DNAH17: variants seen among roughly 807,000 people sequenced by gnomAD.
DNAH17 encodes axonemal beta dynein heavy chain 17.
In DNAH17, 376 loss-of-function variants were observed where a neutral mutation model predicts 485.6. The observed-to-expected ratio is 0.77, with a 90% confidence interval of 0.71 to 0.84. The LOEUF (loss-of-function observed/expected upper bound fraction) is 0.84. Ranked by LOEUF, DNAH17 falls within the 40% of genes least tolerant of loss-of-function variation. DNAH17 has a pLI of 0.00. For missense variants in DNAH17, 6,370 were observed against 5,839.3 expected (o/e 1.09, Z -2.96); for synonymous variants, 3,031 against 2,405.9 (o/e 1.26, Z -7.60).
chr17:78,479,767 C>A (rs1598536595), intron 49 of DNAH17, 135 bp from the exon 50 acceptor site: 2 of 1,219,828 alleles, frequency 1.6e-6, no homozygotes, highest in Non-Finnish European at 2.3e-6. Flanking sequence ...TGGGCAGTTA[C>A]CCTCCTTGTG....
chr17:78,495,881 A>G lies in DNAH17; in HGVS notation c.5897T>C (p.Leu1966Ser). 1.2e-6 allele frequency: 2 copies of G among 1,612,806 alleles called. No homozygotes were observed. The highest frequency in any genetic ancestry group is 1.7e-6 in the Non-Finnish European group (2 of 1,179,274). The change falls in exon 38 of 81, where the codon TTA (leucine) becomes TCA (serine). Residue 1966 changes from leucine (L) to serine (S), a missense_variant. Physicochemically the swap from Leu to Ser is moderately radical, Grantham distance 145 (BLOSUM62 -2). Transcript: ENST00000389840. ...TTTCACCTGGGCCACGTACCTGAAT[A>G]AGGCTTTTAGGTTCTCAGGCAGCTC... Reference protein sequence around the residue: ...RAELPENLKALFRPCAMVVPD... With the variant: ...RAELPENLKASFRPCAMVVPD...
chr17:78,569,364 G>A lies in DNAH17; in HGVS notation c.1197+11C>T. ...TCCTGCCTTGGCCCTCGCCCTGCGA[G>A]GAAGGGGTACCTTAAAGAAAAGCTT... is the stretch of plus-strand genomic sequence containing the variant. On this transcript the variant is annotated intron_variant, in intron 8 of 80. Coordinates refer to ENST00000389840, the MANE Select transcript of DNAH17 (RefSeq NM_173628.4). 1 of 1,612,572 alleles carries A rather than the reference G, an allele frequency of 6.2e-7. No homozygotes were observed. Among genetic ancestry groups the A allele is most frequent in the Non-Finnish European group, 8.5e-7 (1 of 1,179,234 alleles).
At chr17:78,425,167 A>AC in intron 80 of DNAH17, 179 bp downstream of exon 80, 1 of 619,710 alleles carries the variant, frequency 1.6e-6, no homozygotes, top group East Asian at 2.8e-5. Context: ...AATCCTCTCA[A>AC]CCCTCTCTAG....
intron 69 of DNAH17, among the ~76,000 whole-genome samples, chr17:78,447,163 G>A (rs1252575479): frequency 1.3e-5 from 2 of 152,276 alleles, no homozygotes; most frequent in South Asian, 2.1e-4. Flanking sequence ...ACCGCCTCAA[G>A]TGATCCTCTT....
At chr17:78,500,074 G>T (rs1185945939) in intron 36 of DNAH17, 7 of 500,264 alleles carry the variant, frequency 1.4e-5, no homozygotes, top group Non-Finnish European at 2.5e-5. Context: ...TCCAGGGCAG[G>T]GGCTGGGGCA....
chr17:78,575,166 T>G (rs1046622899), intron 1 of DNAH17, 84 bp from the exon 2 acceptor site: 1 of 922,452 alleles, frequency 1.1e-6, no homozygotes, highest in Non-Finnish European at 1.6e-6. Flanking sequence ...AGGAAATCTC[T>G]GTTTCTACCG....
intron 75 of DNAH17, 40 bp downstream of exon 75, chr17:78,433,989 G>T: frequency 6.6e-7 from 1 of 1,513,514 alleles, no homozygotes; most frequent in Non-Finnish European, 9.0e-7. Context: ...GGGAAAGAGG[G>T]AGGGATATGT....
intron 14 of DNAH17, among the ~76,000 whole-genome samples, chr17:78,555,168 C>T (rs1251395836): frequency 6.6e-6 from 1 of 152,130 alleles, no homozygotes; most frequent in Non-Finnish European, 1.5e-5. Context: ...CGGCTGAAAA[C>T]CAGACAGAAG....
At position 78,526,679 on chromosome 17, in the gene DNAH17, T is replaced by A; in HGVS notation, c.3683A>T (p.Asp1228Val). ...FRREAPFSFS[D>V]PNPYKSLNKQ... Reference sequence around the variant, plus strand: ...ATTCAGGGACTTGTAGGGGTTGGGGTCGCTGAAGGAGAACGGGGCCTCGCG... The same window carrying A: ...ATTCAGGGACTTGTAGGGGTTGGGGACGCTGAAGGAGAACGGGGCCTCGCG... The change falls in exon 24 of 81, where the codon GAC (aspartate) becomes GTC (valine). Residue 1228 changes from aspartate to valine, a missense_variant. Asp to Val is a radical substitution (Grantham distance 152). Coordinates refer to ENST00000389840, the MANE Select transcript of DNAH17 (RefSeq NM_173628.4). 2 of 1,610,326 alleles carry A rather than the reference T, an allele frequency of 1.2e-6. No individual in the cohort carries two copies. The highest frequency in any genetic ancestry group is 1.7e-6 in the Non-Finnish European group (2 of 1,177,360).
chr17:78,524,946 G>C, intron 25 of DNAH17, 63 bp downstream of exon 25: 1 of 1,548,534 alleles, frequency 6.5e-7, no homozygotes, highest in Non-Finnish European at 8.7e-7. Flanking sequence ...CTGCCCTCTT[G>C]TTGCCGGGGG....
intron 75 of DNAH17, 68 bp downstream of exon 75, chr17:78,433,958 AGGG>A (rs1315818355): frequency 2.3e-4 from 292 of 1,283,710 alleles, no homozygotes; most frequent in Non-Finnish European, 2.8e-4. Flanking sequence ...GGAAGGAGGG[AGGG>A]AAGGAGGGAG....
intron 48 of DNAH17, among the ~76,000 whole-genome samples, chr17:78,483,679 A>T (rs1192003396): frequency 1.3e-5 from 2 of 152,148 alleles, no homozygotes; most frequent in African/African-American, 2.4e-5. Flanking sequence ...GCCACTCATT[A>T]GGACCATGAC....
chr17:78,445,674 A>G lies in DNAH17; in HGVS notation c.11218T>C (p.Ser3740Pro), dbSNP rs766737864. ...ACTGGGTTCAGCTCCTTCTTCATGG[A>G]CAGGACCTGGGGGAACATCGAGGTG... ...FLAQVTFQVL[S>P]MKKELNPVEL... Residue 3740 changes from serine to proline, a missense_variant, in exon 70 of 81, where the codon TCC becomes CCC. Transcript: ENST00000389840. The G allele has an allele frequency of 5.0e-6, 8 of 1,588,962 alleles. 1 individual carries two copies. The highest frequency in any genetic ancestry group is 8.6e-7 in the Non-Finnish European group (1 of 1,167,900).
At chr17:78,470,309 C>G (rs933674194) in intron 54 of DNAH17, among the ~76,000 whole-genome samples, 1 of 150,822 alleles carries the variant, frequency 6.6e-6, no homozygotes, top group African/African-American at 2.4e-5. Flanking sequence ...CTCAAGTGAT[C>G]TGCCCACCTC....
At chr17:78,499,812 G>A (rs151182827) in intron 36 of DNAH17, 105 of 153,746 alleles carry the variant, frequency 6.8e-4, no homozygotes, top group Non-Finnish European at 3.0e-4. Flanking sequence ...TTGCCTTCCC[G>A]TCTTGCAAGA....
At chr17:78,501,365 CTT>C in intron 34 of DNAH17, 21 bp from the exon 35 acceptor site, 1 of 1,574,488 alleles carries the variant, frequency 6.4e-7, no homozygotes, top group Non-Finnish European at 8.7e-7. Context: ...AGCCGGAGCT[CTT>C]GTTGCCAGGT....
intron 54 of DNAH17, among the ~76,000 whole-genome samples, chr17:78,472,959 A>G (rs1011204873): frequency 5.3e-5 from 8 of 152,196 alleles, no homozygotes; most frequent in Non-Finnish European, 1.0e-4. Context: ...CTTGGGACCA[A>G]GCCCAGGGCT....
At chr17:78,427,729 T>C (rs1206568176) in intron 77 of DNAH17, among the ~76,000 whole-genome samples, 1 of 152,136 alleles carries the variant, frequency 6.6e-6, no homozygotes, top group East Asian at 1.9e-4. Flanking sequence ...CCCAGCACTT[T>C]AGGAGGCCGA....
At position 78,543,987 on chromosome 17, in the gene DNAH17, G is replaced by A. The variant is rs2091679544; in HGVS notation, c.2402C>T (p.Ala801Val). The change falls in exon 17 of 81, where the codon GCC becomes GTC. Residue 801 changes from alanine (A) to valine (V), a missense_variant. Ala to Val is a moderately conservative substitution (Grantham distance 64, BLOSUM62 0). Coordinates refer to ENST00000389840, the MANE Select transcript of DNAH17 (RefSeq NM_173628.4). ...GISQAMKDWSANPLFERKDNK... is the reference protein window; with the variant it reads ...GISQAMKDWSVNPLFERKDNK... ...GTCCTTTCTTTCAAACAGCGGGTTG[G>A]CCGACCAGTCCTGGAAGGAAAGCAC... The A allele has an allele frequency of 1.9e-6, 3 of 1,613,998 alleles. No homozygotes were observed. The highest frequency in any genetic ancestry group is 1.7e-6 in the Non-Finnish European group (2 of 1,179,878).
Sources: gnomAD v4.1 joint callset for allele counts (sites outside exome capture counted in the v4.1 genomes callset) on GRCh38, gnomAD v4.1.1 for gene constraint, MANE v1.5 for transcripts, NCBI Gene and HGNC (gene_info 2026-07-23, HGNC 2026-07-21) for gene names.